HELLS: variants seen among roughly 807,000 people sequenced by gnomAD.
HELLS encodes helicase, lymphoid specific.
HELLS carries 32 observed loss-of-function variants against 120.0 expected under a neutral mutation model. That is an observed-to-expected ratio of 0.27 (90% CI 0.20 to 0.36). HELLS has a LOEUF of 0.36. Ranked by LOEUF, HELLS falls within the 10% of genes least tolerant of loss-of-function variation. The pLI, the probability that HELLS is intolerant of heterozygous loss-of-function variation, is 1.00. For synonymous variants in HELLS, 341 were observed against 323.4 expected (o/e 1.05, Z -0.58); for missense variants, 650 against 993.4 (o/e 0.65, Z 4.65).
intron 7 of HELLS, among the ~76,000 whole-genome samples, chr10:94,571,876 G>A (rs1015982613): frequency 1.3e-5 from 2 of 152,128 alleles, no homozygotes; most frequent in African/African-American, 2.4e-5. Context: ...ATGTAGAGAG[G>A]TTCCTTGTTA....
chr10:94,595,409 A>AC (rs1285018804), intron 19 of HELLS, among the ~76,000 whole-genome samples: 1 of 151,218 alleles, frequency 6.6e-6, no homozygotes, highest in African/African-American at 2.5e-5. Context: ...TGTTCCTGAT[A>AC]AGAGATTGGC....
intron 19 of HELLS, among the ~76,000 whole-genome samples, chr10:94,596,393 C>G (rs1170030778): frequency 6.6e-6 from 1 of 152,096 alleles, no homozygotes; most frequent in Non-Finnish European, 1.5e-5. Context: ...ATCCAGTATT[C>G]TGATTTTTGT....
downstream of HELLS, among the ~76,000 whole-genome samples, chr10:94,603,274 T>C (rs1013250862): frequency 2.0e-5 from 3 of 152,242 alleles, no homozygotes; most frequent in Non-Finnish European, 4.4e-5. Context: ...CAATCAGATA[T>C]TCATTTCCAT....
chr10:94,597,232 T>G, intron 21 of HELLS, 121 bp downstream of exon 21: 3 of 568,744 alleles, frequency 5.3e-6, no homozygotes, highest in Non-Finnish European at 9.2e-6. Context: ...ATTGTCATTT[T>G]TCTTCTTAGA....
chr10:94,567,121 C>A (rs534112255), intron 6 of HELLS, among the ~76,000 whole-genome samples: 3 of 152,080 alleles, frequency 2.0e-5, no homozygotes, highest in Non-Finnish European at 4.4e-5. Context: ...GGGGTATAAC[C>A]CAATTGAGTG....
chr10:94,612,832 A>T (rs1846207643), exon 10 of HELLS: 1 of 152,220 alleles, frequency 6.6e-6, no homozygotes, highest in African/African-American at 2.4e-5. Flanking sequence ...TGGCTGAGGC[A>T]TGAGAATCAC....
At chr10:94,591,674 G>T (rs1293781703) in intron 15 of HELLS, among the ~76,000 whole-genome samples, 1 of 152,140 alleles carries the variant, frequency 6.6e-6, no homozygotes, top group East Asian at 1.9e-4. Flanking sequence ...GGGATAGGTG[G>T]AGGGCAAAAT....
At chr10:94,587,355 A>T (rs762941170) in intron 12 of HELLS, among the ~76,000 whole-genome samples, 6 of 152,196 alleles carry the variant, frequency 3.9e-5, no homozygotes, top group Non-Finnish European at 8.8e-5. Flanking sequence ...TAATCATATC[A>T]TGGAGAATGG....
rs773514650 is a variant in HELLS, at chr10:94,545,873, T to C, written c.-49T>C. On this transcript the variant is annotated 5_prime_UTR_variant, in exon 1 of 22. Transcript: ENST00000348459. ...GGTTGTGAGGAGTTAGCTCGCGGCA[T>C]TGCAGGCTCTGAGAGGAGGGGACCC... is the stretch of plus-strand genomic sequence containing the variant. The C allele has an allele frequency of 2.3e-5, 35 of 1,549,058 alleles. No individual in the cohort carries two copies. The highest frequency in any genetic ancestry group is 3.1e-5 in the Non-Finnish European group (35 of 1,144,604).
chr10:94,590,808 T>G, intron 15 of HELLS, 32 bp downstream of exon 15: 1 of 1,252,040 alleles, frequency 8.0e-7, no homozygotes. Flanking sequence ...TTTACTGTTT[T>G]GATTTCCATT....
intron 6 of HELLS, among the ~76,000 whole-genome samples, chr10:94,567,166 C>A (rs553523674): frequency 1.3e-5 from 2 of 152,114 alleles, no homozygotes; most frequent in Non-Finnish European, 2.9e-5. Flanking sequence ...TCCAAGTTAT[C>A]CCTTCTGTTT....
At chr10:94,565,957 A>G (rs182563352) in intron 6 of HELLS, among the ~76,000 whole-genome samples, 10 of 152,112 alleles carry the variant, frequency 6.6e-5, no homozygotes, top group Non-Finnish European at 1.5e-4. Context: ...AGCTGGCACA[A>G]TCTCAGCTCA....
chr10:94,599,880 A>G (rs776284637), intron 21 of HELLS, among the ~76,000 whole-genome samples: 19 of 152,206 alleles, frequency 1.2e-4, no homozygotes, highest in Admixed American at 3.3e-4. Flanking sequence ...CGTTAATAGA[A>G]AGACTGAGTA....
At chr10:94,587,841 T>C (rs1390354610) in intron 12 of HELLS, among the ~76,000 whole-genome samples, 1 of 152,366 alleles carries the variant, frequency 6.6e-6, no homozygotes, top group East Asian at 1.9e-4. Flanking sequence ...TTTGTACTCA[T>C]TATTTCAAAT....
Position 94,601,687 on chromosome 10 carries a change from T to C in HELLS, c.*65T>C. 1 of 809,450 alleles carries C rather than the reference T, an allele frequency of 1.2e-6. No individual in the cohort carries two copies. Among genetic ancestry groups the C allele is most frequent in the Non-Finnish European group, 2.0e-6 (1 of 492,612 alleles). 50.1% of individuals were successfully genotyped at this position (809,450 alleles called of 1,614,324 possible). On this transcript the variant is annotated 3_prime_UTR_variant, in exon 22 of 22. Transcript: ENST00000348459. ...ATCTAGTGATTTCCCTGTATTGGGT[T>C]TGAAATACTGATTGTCCACTTCACC... is the stretch of plus-strand genomic sequence containing the variant.
rs11431624 is a variant in HELLS, at chr10:94,579,201, C to CTT, written c.1033-2109_1033-2108dup. On this transcript the variant is annotated intron_variant, in intron 10 of 21. Coordinates refer to ENST00000348459, the MANE Select transcript of HELLS (RefSeq NM_018063.5). The stretch of plus-strand genomic sequence containing the variant: ...TCTACCTGAGAACTACTACTTTTTT[C>CTT]TTTTTTTTTTTTTTTTTGAGGCAGA... Among the ~76,000 whole-genome samples the CTT allele has an allele frequency of 5.8e-3, 782 of 133,820 alleles. 11 individuals carry two copies. Among genetic ancestry groups the CTT allele is most frequent in the African/African-American group, 0.014 (481 of 35,014 alleles). The allele number at this position is 133,820 out of a possible 152,430, so 87.8% of individuals were successfully genotyped here. A position where few individuals can be genotyped will look rare whatever the true frequency, so the allele number is the denominator to read the frequency against.
intron 6 of HELLS, among the ~76,000 whole-genome samples, chr10:94,567,281 C>T (rs1843853272): frequency 6.6e-6 from 1 of 151,942 alleles, no homozygotes; most frequent in African/African-American, 2.4e-5. Flanking sequence ...TCTAGATTGC[C>T]CTGTTTTTTA....
chr10:94,587,735 T>C lies in HELLS; in HGVS notation c.1327-494T>C, dbSNP rs1412926769. On this transcript the variant is annotated intron_variant, in intron 12 of 21. Transcript: ENST00000348459. ...AGCCACCGCACCTGGCCTCTAGTTA[T>C]ACTCTTCTTTATATTTTAAAATGTA... is the stretch of plus-strand genomic sequence containing the variant. Among the ~76,000 whole-genome samples, 3 of 152,216 alleles carry C rather than the reference T, an allele frequency of 2.0e-5. No homozygotes were observed. The East Asian group carries it at 5.8e-4, about 29-fold the overall frequency.
At chr10:94,548,874 G>A (rs1842856921) in intron 2 of HELLS, among the ~76,000 whole-genome samples, 1 of 152,048 alleles carries the variant, frequency 6.6e-6, no homozygotes, top group Non-Finnish European at 1.5e-5. Context: ...CATACCTGCA[G>A]TCCCAACTAC....
Sources: gnomAD v4.1 joint callset for allele counts (sites outside exome capture counted in the v4.1 genomes callset) on GRCh38, gnomAD v4.1.1 for gene constraint, MANE v1.5 for transcripts, NCBI Gene and HGNC (gene_info 2026-07-23, HGNC 2026-07-21) for gene names.